The following MACROD2 variants were observed in gnomAD, a reference collection of about 807,000 sequenced individuals.
MACROD2 encodes ADP-ribose glycohydrolase MACROD2.
Under a neutral mutation model 70.4 loss-of-function variants are expected in MACROD2, and 36 were observed. The observed-to-expected ratio is 0.51, with a 90% CI of 0.39 to 0.68. The LOEUF is 0.68. Ranked by LOEUF, MACROD2 falls within the 30% of genes least tolerant of loss-of-function variation. The pLI is 0.00. For missense variants in MACROD2, 496 were observed against 538.4 expected, an observed-to-expected ratio of 0.92 and a Z score of 0.78; for synonymous variants, 172 against 178.8, an observed-to-expected ratio of 0.96 and a Z score of 0.30.
chr20:14,147,259 C>T (rs1258348685), intron 3 of MACROD2, among the ~76,000 whole-genome samples: 1 of 152,170 alleles, frequency 6.6e-6, no homozygotes, highest in East Asian at 1.9e-4. Flanking sequence ...GTGTAATAAT[C>T]AGGATTTAAA....
At chr20:15,892,806 C>T (rs2064909399) in intron 10 of MACROD2, 1 of 394,380 alleles carries the variant, frequency 2.5e-6, no homozygotes, top group Non-Finnish European at 4.5e-6. Context: ...ACAGATGAAA[C>T]TGCAATTAAG....
At chr20:15,304,072 A>G (rs2077672713) in intron 6 of MACROD2, among the ~76,000 whole-genome samples, 1 of 152,148 alleles carries the variant, frequency 6.6e-6, no homozygotes. Context: ...GCCAGAATTT[A>G]CTTTTTGTTC....
At chr20:14,766,565 T>C (rs1396295223) in intron 5 of MACROD2, among the ~76,000 whole-genome samples, 5 of 152,138 alleles carry the variant, frequency 3.3e-5, no homozygotes, top group Admixed American at 1.3e-4. Flanking sequence ...AATAATTGTA[T>C]GGACAATATC....
chr20:15,268,586 G>A (rs1192781440), intron 6 of MACROD2, among the ~76,000 whole-genome samples: 2 of 152,202 alleles, frequency 1.3e-5, no homozygotes, highest in Non-Finnish European at 2.9e-5. Context: ...CCGAAAGGCA[G>A]AGGTTGCAGT....
chr20:14,195,423 G>A (rs762269514), intron 3 of MACROD2, among the ~76,000 whole-genome samples: 8 of 152,122 alleles, frequency 5.3e-5, no homozygotes, highest in Non-Finnish European at 8.8e-5. Flanking sequence ...TCAATGATAC[G>A]GAAGGGGAGA....
chr20:15,679,447 G>GC (rs1327670593), intron 8 of MACROD2, among the ~76,000 whole-genome samples: 1 of 150,042 alleles, frequency 6.7e-6, no homozygotes, highest in East Asian at 2.0e-4. Context: ...TGCCTTGGTG[G>GC]CCCCCATGAA....
chr20:15,149,317 C>A (rs983861578), intron 5 of MACROD2, among the ~76,000 whole-genome samples: 1 of 151,982 alleles, frequency 6.6e-6, no homozygotes, highest in Non-Finnish European at 1.5e-5. Flanking sequence ...TATAGCATAG[C>A]CTGCCTTTGC....
intron 8 of MACROD2, among the ~76,000 whole-genome samples, chr20:15,807,925 G>A (rs530261756): frequency 6.6e-6 from 1 of 152,136 alleles, no homozygotes; most frequent in African/African-American, 2.4e-5. Context: ...ACAGCCTGGC[G>A]CCACACCCTG....
intron 6 of MACROD2, among the ~76,000 whole-genome samples, chr20:15,315,904 A>C (rs1368033131): frequency 2.6e-5 from 4 of 152,184 alleles, no homozygotes; most frequent in Non-Finnish European, 4.4e-5. Flanking sequence ...TAAAGATGTA[A>C]TTTGTAACAA....
intron 5 of MACROD2, among the ~76,000 whole-genome samples, chr20:14,736,097 G>A (rs1382594822): frequency 6.6e-6 from 1 of 152,062 alleles, no homozygotes; most frequent in African/African-American, 2.4e-5. Flanking sequence ...TTTGATGAAT[G>A]GATAAAGGAA....
intron 3 of MACROD2, among the ~76,000 whole-genome samples, chr20:14,343,735 T>C (rs2083038113): frequency 6.6e-6 from 1 of 152,194 alleles, no homozygotes; most frequent in Non-Finnish European, 1.5e-5. Flanking sequence ...TCTTTGGCAA[T>C]GATTAGTATA....
chr20:14,002,630 C>CT (rs1313752711), intron 2 of MACROD2, among the ~76,000 whole-genome samples: 5 of 152,048 alleles, frequency 3.3e-5, no homozygotes, highest in Admixed American at 6.6e-5. Context: ...TAATATGGTA[C>CT]TTTTTTTACA....
intron 5 of MACROD2, among the ~76,000 whole-genome samples, chr20:14,828,500 G>C (rs1384391317): frequency 6.6e-6 from 1 of 152,068 alleles, no homozygotes; most frequent in East Asian, 1.9e-4. Flanking sequence ...CTATGCATTA[G>C]GCACTCTGCA....
At chr20:15,438,980 G>C (rs1248517332) in intron 7 of MACROD2, among the ~76,000 whole-genome samples, 2 of 152,136 alleles carry the variant, frequency 1.3e-5, no homozygotes, top group African/African-American at 4.8e-5. Context: ...TTTTTAAAAG[G>C]CATTCTCAAA....
chr20:15,946,974 A>G (rs2065832464), intron 12 of MACROD2, among the ~76,000 whole-genome samples: 1 of 152,182 alleles, frequency 6.6e-6, no homozygotes, highest in Non-Finnish European at 1.5e-5. Flanking sequence ...GGAAGGTACT[A>G]TGCCTGGATG....
At chr20:16,037,474 T>A (rs6043677) in intron 15 of MACROD2, among the ~76,000 whole-genome samples, 18,594 of 151,876 alleles carry the variant, frequency 0.12, 1,127 homozygotes, top group Middle Eastern at 0.17. Flanking sequence ...AAGAAAATAG[T>A]CAAGAAAGTA....
At chr20:14,320,634 T>C (rs1166712831) in intron 3 of MACROD2, among the ~76,000 whole-genome samples, 3 of 151,682 alleles carry the variant, frequency 2.0e-5, no homozygotes, top group Non-Finnish European at 4.4e-5. Context: ...AAATCAGTGG[T>C]CCTTGACCAC....
chr20:14,621,136 G>T (rs1222172393), intron 4 of MACROD2, among the ~76,000 whole-genome samples: 1 of 152,020 alleles, frequency 6.6e-6, no homozygotes, highest in Non-Finnish European at 1.5e-5. Context: ...AATAATACTG[G>T]CATAAGTCAC....
chr20:14,371,082 T>C (rs551480208), intron 3 of MACROD2, among the ~76,000 whole-genome samples: 4 of 152,244 alleles, frequency 2.6e-5, no homozygotes, highest in Non-Finnish European at 5.9e-5. Flanking sequence ...TTATGCCTTG[T>C]ATTAGTTATA....
Sources: gnomAD v4.1 joint callset for allele counts (sites outside exome capture counted in the v4.1 genomes callset) on GRCh38, gnomAD v4.1.1 for gene constraint, MANE v1.5 for transcripts, NCBI Gene and HGNC (gene_info 2026-07-23, HGNC 2026-07-21) for gene names.